Variants in ABCD3 observed in about 807,000 individuals in gnomAD.
ABCD3 encodes ATP binding cassette subfamily D member 3, also known as ATP-binding cassette sub-family D member 3.
A neutral mutation model predicts 105.5 loss-of-function variants in ABCD3; 41 were observed. That is an observed-to-expected ratio of 0.39 (90% CI 0.30 to 0.50). The LOEUF (loss-of-function observed/expected upper bound fraction) is 0.50. Among genes scored for constraint, ABCD3 ranks in the 20% least tolerant of loss-of-function variants. The pLI, the probability that ABCD3 is intolerant of heterozygous loss-of-function variation, is 0.84. For missense variants in ABCD3, 622 were observed against 806.3 expected (o/e 0.77, Z 2.77); for synonymous variants, 258 against 269.0 (o/e 0.96, Z 0.40).
At chr1:94,387,452 C>G in the ABCD3 span, among the ~76,000 whole-genome samples, 3 of 152,158 alleles carry the variant, frequency 2.0e-5, no homozygotes, top group Admixed American at 2.0e-4. Context: ...GCTCTCTCCT[C>G]TCTCCATATT....
chr1:94,391,466 A>T, the ABCD3 span, among the ~76,000 whole-genome samples: 1 of 152,184 alleles, frequency 6.6e-6, no homozygotes, highest in South Asian at 2.1e-4. Context: ...CATAGCAGCT[A>T]TGTCCACATC....
intron 10 of ABCD3, among the ~76,000 whole-genome samples, chr1:94,484,659 AT>A (rs1468157387): frequency 6.6e-6 from 1 of 152,154 alleles, no homozygotes; most frequent in East Asian, 1.9e-4. Flanking sequence ...TGGGGGAGGG[AT>A]AGCATTAGGA....
chr1:94,460,639 G>A (rs886465750), intron 2 of ABCD3, among the ~76,000 whole-genome samples: 1 of 152,062 alleles, frequency 6.6e-6, no homozygotes, highest in Non-Finnish European at 1.5e-5. Flanking sequence ...TTAACATGAC[G>A]TACTTTCAGT....
At chr1:94,474,597 G>A (rs1648640749) in intron 5 of ABCD3, among the ~76,000 whole-genome samples, 1 of 152,018 alleles carries the variant, frequency 6.6e-6, no homozygotes, top group African/African-American at 2.4e-5. Context: ...AAGCAACATA[G>A]ATATCAAAGA....
At chr1:94,444,983 A>C (rs1291237032) in intron 1 of ABCD3, among the ~76,000 whole-genome samples, 2 of 152,192 alleles carry the variant, frequency 1.3e-5, no homozygotes, top group African/African-American at 4.8e-5. Flanking sequence ...TTAAACCACA[A>C]ACAATAGCAT....
chr1:94,480,332 G>GA lies in ABCD3; in HGVS notation c.685-126dup, dbSNP rs878870686. On this transcript the variant is annotated intron_variant, in intron 8 of 22. Coordinates refer to ENST00000370214, the MANE Select transcript of ABCD3 (RefSeq NM_002858.4). ...TACTTTTTCAGAAAAAAAACAAAGG[G>GA]AAAAAATTACCCAGTAGGGCAATTT... 45 of 1,117,600 alleles carry GA rather than the reference G, an allele frequency of 4.0e-5. No homozygotes were observed. In the South Asian group the frequency reaches 6.3e-4, roughly 16 times the overall value. The allele number at this position is 1,117,600 out of a possible 1,614,324, so 69.2% of individuals were successfully genotyped here. A position where few individuals can be genotyped will look rare whatever the true frequency, so the allele number is the denominator to read the frequency against.
At chr1:94,502,705 G>C (rs1303362085) in intron 20 of ABCD3, among the ~76,000 whole-genome samples, 1 of 151,854 alleles carries the variant, frequency 6.6e-6, no homozygotes, top group East Asian at 1.9e-4. Flanking sequence ...TCACCATGTT[G>C]GCCAGGCTGG....
chr1:94,424,147 G>C (rs1326106447), intron 1 of ABCD3, among the ~76,000 whole-genome samples: 1 of 152,176 alleles, frequency 6.6e-6, no homozygotes, highest in African/African-American at 2.4e-5. Flanking sequence ...CCCAACTGAG[G>C]CAGATCAGGC....
intron 7 of ABCD3, among the ~76,000 whole-genome samples, chr1:94,477,974 G>GT (rs1648845419): frequency 1.3e-5 from 2 of 152,206 alleles, no homozygotes; most frequent in East Asian, 3.8e-4. Context: ...AATTATCACA[G>GT]TAGAGGTATC....
intron 16 of ABCD3, among the ~76,000 whole-genome samples, chr1:94,495,489 G>T (rs1309127843): frequency 6.6e-6 from 1 of 152,090 alleles, no homozygotes; most frequent in Non-Finnish European, 1.5e-5. Flanking sequence ...CATGGCTGAC[G>T]TCATAATTGG....
Position 94,434,002 on chromosome 1 carries a change from C to A in ABCD3, c.110+15414C>A, listed in dbSNP as rs546420703. On this transcript the variant is annotated intron_variant, in intron 1 of 22. Transcript: ENST00000370214. ...TCAGTTAAAATATGGCATAAAAGAT[C>A]AAAAACGGTGTACCTGTATAAGGTG... 3.9e-5 allele frequency among the ~76,000 whole-genome samples: 6 copies of A among 152,108 alleles called. No individual in the cohort carries two copies. The East Asian group carries it at 7.7e-4, about 20-fold the overall frequency.
At position 94,477,900 on chromosome 1, in the gene ABCD3, A is replaced by G. The variant is rs138056115; in HGVS notation, c.628-359A>G. On this transcript the variant is annotated intron_variant, in intron 7 of 22. Coordinates refer to ENST00000370214, the MANE Select transcript of ABCD3 (RefSeq NM_002858.4). ...AAACTGGTAGCAGATTTGGGGTTAC[A>G]TCTCAGGTCATTTTATTCAGTGTCT... 3.3e-5 allele frequency among the ~76,000 whole-genome samples: 5 copies of G among 152,342 alleles called. No individual in the cohort carries two copies. In the East Asian group the frequency reaches 5.8e-4, roughly 18 times the overall value.
the ABCD3 span, among the ~76,000 whole-genome samples, chr1:94,390,337 C>G: frequency 6.6e-6 from 1 of 152,146 alleles, no homozygotes; most frequent in Non-Finnish European, 1.5e-5. Context: ...GACTCTCGTT[C>G]TGTCACCCAG....
At chr1:94,515,101 G>A (rs1650859619) in intron 21 of ABCD3, 45 bp from the exon 22 acceptor site, 5 of 1,450,574 alleles carry the variant, frequency 3.4e-6, no homozygotes, top group Admixed American at 3.4e-5. Flanking sequence ...AGTTTAATTT[G>A]TGACTCTGTT....
the ABCD3 span, among the ~76,000 whole-genome samples, chr1:94,396,446 A>G: frequency 1.3e-5 from 2 of 152,324 alleles, no homozygotes; most frequent in South Asian, 4.1e-4. Context: ...AGCTTCCAGC[A>G]AACACTTCAT....
chr1:94,399,762 G>A, the ABCD3 span, among the ~76,000 whole-genome samples: 4 of 152,348 alleles, frequency 2.6e-5, no homozygotes, highest in East Asian at 7.7e-4. Context: ...GACCTCAGAT[G>A]CCGCAGTGCT....
chr1:94,445,472 C>T (rs1015555649), intron 1 of ABCD3, among the ~76,000 whole-genome samples: 3 of 152,144 alleles, frequency 2.0e-5, no homozygotes, highest in East Asian at 1.9e-4. Context: ...GGCTCTGGTT[C>T]GTTCCACCTT....
chr1:94,427,596 AAGAT>A (rs996905177), intron 1 of ABCD3, among the ~76,000 whole-genome samples: 1 of 152,216 alleles, frequency 6.6e-6, no homozygotes, highest in Non-Finnish European at 1.5e-5. Flanking sequence ...ATGAAGGAGA[AAGAT>A]AGGATCTTCC....
At chr1:94,454,951 C>T (rs1408332522) in intron 1 of ABCD3, among the ~76,000 whole-genome samples, 1 of 152,094 alleles carries the variant, frequency 6.6e-6, no homozygotes, top group African/African-American at 2.4e-5. Context: ...CACACCTGGC[C>T]TAGAACTTTC....
Sources: allele counts gnomAD v4.1 joint callset (sites outside exome capture counted in the v4.1 genomes callset), GRCh38; gene constraint gnomAD v4.1.1; transcripts MANE v1.5; gene names NCBI Gene and HGNC (gene_info 2026-07-23, HGNC 2026-07-21).